ZBTB20: variants seen among roughly 807,000 people sequenced by gnomAD.
ZBTB20 encodes zinc finger and BTB domain-containing protein 20.
Under a neutral mutation model 56.9 loss-of-function variants are expected in ZBTB20, and 9 were observed. The ratio of observed to expected loss-of-function variants is 0.16; its 90% CI spans 0.10 to 0.28. The LOEUF is 0.28. ZBTB20 is among the 10% of genes least tolerant of loss of function. ZBTB20 has a pLI of 1.00. For missense variants in ZBTB20, 655 were observed against 1,003.0 expected (o/e 0.65, Z 4.69); for synonymous variants, 417 against 420.7 (o/e 0.99, Z 0.11).
chr3:114,412,307 G>A (rs2088046242), intron 7 of ZBTB20, among the ~76,000 whole-genome samples: 1 of 152,172 alleles, frequency 6.6e-6, no homozygotes. Flanking sequence ...ATGTGAAAGT[G>A]TTCTATAAAG....
intron 6 of ZBTB20, among the ~76,000 whole-genome samples, chr3:114,562,447 G>A (rs547414021): frequency 3.3e-5 from 5 of 152,146 alleles, no homozygotes; most frequent in Non-Finnish European, 7.3e-5. Context: ...ACAGGAGTGA[G>A]CCACCGCTCC....
intron 6 of ZBTB20, among the ~76,000 whole-genome samples, chr3:114,533,289 G>T (rs941286291): frequency 2.6e-5 from 4 of 151,790 alleles, no homozygotes; most frequent in African/African-American, 9.7e-5. Flanking sequence ...GTTTAGAGAA[G>T]AACATAAATT....
intron 3 of ZBTB20, among the ~76,000 whole-genome samples, chr3:114,920,950 C>T (rs2075934187): frequency 6.6e-6 from 1 of 152,088 alleles, no homozygotes. Flanking sequence ...AAAAAGACTA[C>T]ATTAAACAAT....
intron 3 of ZBTB20, among the ~76,000 whole-genome samples, chr3:114,927,854 G>A (rs1192614831): frequency 6.6e-6 from 1 of 151,954 alleles, no homozygotes; most frequent in Non-Finnish European, 1.5e-5. Flanking sequence ...AAACAGCAAG[G>A]AAAAAACTCT....
intron 1 of ZBTB20, among the ~76,000 whole-genome samples, chr3:115,085,383 C>T (rs1452207100): frequency 1.3e-5 from 2 of 151,898 alleles, no homozygotes; most frequent in Admixed American, 1.3e-4. Flanking sequence ...ACACACTACT[C>T]CCTGGAAGTA....
At chr3:114,982,727 T>C (rs1049369104) in intron 2 of ZBTB20, among the ~76,000 whole-genome samples, 9 of 152,060 alleles carry the variant, frequency 5.9e-5, no homozygotes, top group Non-Finnish European at 1.3e-4. Flanking sequence ...TAGTTACATA[T>C]GTATACATGT....
rs369339802 is a variant in ZBTB20 at position 114,695,541 on chromosome 3, T to G, written c.-342-1966A>C. On this transcript the variant is annotated intron_variant, in intron 5 of 11. Transcript: ENST00000675478. ...AAAGTTCAAAGACTTTTCCTCTGCT[T>G]CTTTTATAACGAGATACTTTCAACT... Among the ~76,000 whole-genome samples, 4 of 152,048 alleles carry G rather than the reference T, an allele frequency of 2.6e-5. No individual in the cohort carries two copies. The East Asian group carries it at 5.8e-4, about 22-fold the overall frequency.
chr3:115,124,109 A>T lies in ZBTB20; in HGVS notation c.-703+23110T>A, dbSNP rs188299145. On this transcript the variant is annotated intron_variant, in intron 1 of 11. Transcript: ENST00000675478. Reference sequence around the variant, plus strand: ...GGCATGTAGCGATATTAAAGAGCTAAAAATGGTATTAATAATACCTGAATG... The same window carrying T: ...GGCATGTAGCGATATTAAAGAGCTATAAATGGTATTAATAATACCTGAATG... Among the ~76,000 whole-genome samples, 13 of 152,362 alleles carry T rather than the reference A, an allele frequency of 8.5e-5. No individual in the cohort carries two copies. The East Asian group carries it at 1.5e-3, about 18-fold the overall frequency.
intron 5 of ZBTB20, among the ~76,000 whole-genome samples, chr3:114,753,025 A>G (rs2067684551): frequency 6.6e-6 from 1 of 151,992 alleles, no homozygotes; most frequent in Non-Finnish European, 1.5e-5. Context: ...CCCTTACATT[A>G]TGTGCAGGTC....
At chr3:114,500,303 T>C (rs1041624168) in intron 7 of ZBTB20, 49 bp downstream of exon 7, 1 of 151,732 alleles carries the variant, frequency 6.6e-6, no homozygotes, top group Non-Finnish European at 1.5e-5. Context: ...CACAATTTCC[T>C]AAATCTGACA....
chr3:114,384,306 G>A (rs1310435059), intron 8 of ZBTB20, among the ~76,000 whole-genome samples: 2 of 152,042 alleles, frequency 1.3e-5, no homozygotes, highest in African/African-American at 4.8e-5. Context: ...AAAAGGAAAA[G>A]GGGGCTGGTG....
At chr3:114,783,244 T>C (rs2070245364) in intron 5 of ZBTB20, among the ~76,000 whole-genome samples, 1 of 152,232 alleles carries the variant, frequency 6.6e-6, no homozygotes, top group South Asian at 2.1e-4. Context: ...ACTCATTACA[T>C]AAATATGGCA....
chr3:114,749,567 AAAAG>A (rs2067391062), intron 5 of ZBTB20, among the ~76,000 whole-genome samples: 1 of 103,754 alleles, frequency 9.6e-6, no homozygotes, highest in Non-Finnish European at 1.9e-5. Flanking sequence ...AGAAAGAAAG[AAAAG>A]GAAGGAAGGA....
At chr3:114,646,967 TA>T (rs1412915729) in intron 6 of ZBTB20, among the ~76,000 whole-genome samples, 2 of 152,082 alleles carry the variant, frequency 1.3e-5, no homozygotes, top group Non-Finnish European at 2.9e-5. Flanking sequence ...TTTATTTATT[TA>T]TTTTTTTTTA....
chr3:114,542,140 G>A (rs992515900), intron 6 of ZBTB20, among the ~76,000 whole-genome samples: 2 of 152,072 alleles, frequency 1.3e-5, no homozygotes, highest in African/African-American at 2.4e-5. Flanking sequence ...GCCTACTATG[G>A]AATGCCCAGA....
chr3:114,346,847 G>C (rs903538689), intron 11 of ZBTB20, among the ~76,000 whole-genome samples: 3 of 151,222 alleles, frequency 2.0e-5, no homozygotes, highest in African/African-American at 7.3e-5. Context: ...CACCATGCCT[G>C]GTTAATTTTT....
chr3:114,851,890 T>A (rs2075017857), intron 4 of ZBTB20, among the ~76,000 whole-genome samples: 1 of 152,160 alleles, frequency 6.6e-6, no homozygotes, highest in African/African-American at 2.4e-5. Flanking sequence ...AGCAAAAAAT[T>A]AATTTTAAAA....
chr3:114,406,357 T>G (rs535453032), intron 7 of ZBTB20, among the ~76,000 whole-genome samples: 7 of 152,298 alleles, frequency 4.6e-5, no homozygotes, highest in Non-Finnish European at 1.0e-4. Flanking sequence ...GTGTTTGAAC[T>G]GGCTTCAGGA....
chr3:114,748,334 C>CTT lies in ZBTB20; in HGVS notation c.-343+52765_-343+52766dup, dbSNP rs762103705. ...TCTTTCTTTCTTTCTTTCTTTCTTT[C>CTT]TTCTTTCTTTCTTTCTTTTCTCTCT... On this transcript the variant is annotated intron_variant, in intron 5 of 11. Transcript: ENST00000675478. 8.3e-3 allele frequency among the ~76,000 whole-genome samples: 469 copies of CTT among 56,778 alleles called. 1 individual carries two copies. Among genetic ancestry groups the CTT allele is most frequent in the Middle Eastern group, 0.016 (2 of 128 alleles). The allele number at this position is 56,778 out of a possible 152,430, so 37.2% of individuals were successfully genotyped here.
Sources: gnomAD v4.1 joint callset for allele counts (sites outside exome capture counted in the v4.1 genomes callset) on GRCh38, gnomAD v4.1.1 for gene constraint, MANE v1.5 for transcripts, NCBI Gene and HGNC (gene_info 2026-07-23, HGNC 2026-07-21) for gene names.